Variants in OR2C3 observed in about 807,000 individuals in gnomAD.
OR2C3 encodes olfactory receptor family 2 subfamily C member 3, also known as olfactory receptor 2C3.
For missense variants in OR2C3, 425 were observed against 401.5 expected, an observed-to-expected ratio of 1.06 and a Z score of -0.50; for synonymous variants, 178 against 163.4, an observed-to-expected ratio of 1.09 and a Z score of -0.68.
chr1:247,526,241 A>G lies in OR2C3; in HGVS notation c.*5308T>C, dbSNP rs41305741. ...TGAATTCTTGCATTCCTTTCTTACCATGAGAAGCTTGCCATGTTGAGGGTG... is the reference window on the plus strand; with the variant it reads ...TGAATTCTTGCATTCCTTTCTTACCGTGAGAAGCTTGCCATGTTGAGGGTG... On this transcript the variant is annotated 3_prime_UTR_variant, in exon 3 of 3. Transcript: ENST00000641802. The surrounding 1 kb of genome is among the most constrained non-coding windows in gnomAD (Gnocchi z 4.8). The G allele has an allele frequency of 0.19, 28,701 of 152,186 alleles. 2,878 individuals are homozygous for G. The highest frequency in any genetic ancestry group is 0.23 in the African/African-American group (9,726 of 41,510). The allele number at this position is 152,186 out of a possible 1,614,324, so 9.4% of individuals were successfully genotyped here.
chr1:247,532,522 G>C lies in OR2C3; in HGVS notation c.-11C>G. ...GGCTATTTCCATCATTGTATGCTGG[G>C]GGTGGGGCAAAAGGCCACCTGTGGG... On this transcript the variant is annotated 5_prime_UTR_variant, in exon 3 of 3. Coordinates refer to ENST00000641802, the MANE Select transcript of OR2C3 (RefSeq NM_198074.6). The C allele has an allele frequency of 6.2e-7, 1 of 1,609,146 alleles. No homozygotes were observed. Among genetic ancestry groups the C allele is most frequent in the Non-Finnish European group, 8.5e-7 (1 of 1,177,078 alleles).
rs1038700850 is a variant in OR2C3, at chr1:247,525,947, A to C, written c.*5602T>G. The C allele has an allele frequency of 6.6e-6, 1 of 152,212 alleles. No homozygotes were observed. The highest frequency in any genetic ancestry group is 1.5e-5 in the Non-Finnish European group (1 of 68,038). The allele number at this position is 152,212 out of a possible 1,614,324, so 9.4% of individuals were successfully genotyped here. A position where few individuals can be genotyped will look rare whatever the true frequency, so the allele number is the denominator to read the frequency against. ...ATGCCTGGAAACCTGTTGAAGACCA[A>C]ATATATGCTTCAGAGTATATACATG... is the stretch of plus-strand genomic sequence containing the variant. On this transcript the variant is annotated 3_prime_UTR_variant, in exon 3 of 3. Coordinates refer to ENST00000641802, the MANE Select transcript of OR2C3 (RefSeq NM_198074.6).
intron 1 of OR2C3, among the ~76,000 whole-genome samples, chr1:247,535,542 A>G (rs1217152736): frequency 6.6e-6 from 1 of 152,234 alleles, no homozygotes; most frequent in Non-Finnish European, 1.5e-5. Flanking sequence ...GGGTGTAAGT[A>G]TATCCCATCT....
In OR2C3 at chr1:247,525,723, T is replaced by C. The variant is rs1163154509; in HGVS notation, c.*5826A>G. 1 of 152,212 alleles carries C rather than the reference T, an allele frequency of 6.6e-6. No homozygotes were observed. The highest frequency in any genetic ancestry group is 1.5e-5 in the Non-Finnish European group (1 of 68,046). The allele number at this position is 152,212 out of a possible 1,614,324, so 9.4% of individuals were successfully genotyped here. On this transcript the variant is annotated 3_prime_UTR_variant, in exon 3 of 3. Transcript: ENST00000641802. ...CATGACTGATTAAATCACTGGCCAT[T>C]GGTGTTCTGCTTAACATTCATCCCT...
In OR2C3 at chr1:247,530,309, G is replaced by T. The variant is rs1289355103; in HGVS notation, c.*1240C>A. The T allele has an allele frequency of 6.6e-6, 1 of 152,178 alleles. No individual in the cohort carries two copies. Among genetic ancestry groups the T allele is most frequent in the Non-Finnish European group, 1.5e-5 (1 of 68,040 alleles). 9.4% of individuals were successfully genotyped at this position (152,178 alleles called of 1,614,324 possible). On this transcript the variant is annotated 3_prime_UTR_variant, in exon 3 of 3. Coordinates refer to ENST00000641802, the MANE Select transcript of OR2C3 (RefSeq NM_198074.6). ...CTAGTGATAGGTTACTCTATTGATAGAAGTTCTTTAACATCTGGAAAGACT... is the reference window on the plus strand; with the variant it reads ...CTAGTGATAGGTTACTCTATTGATATAAGTTCTTTAACATCTGGAAAGACT...
At position 247,527,412 on chromosome 1, in the gene OR2C3, C is replaced by T. The variant is rs1318446661; in HGVS notation, c.*4137G>A. On this transcript the variant is annotated 3_prime_UTR_variant, in exon 3 of 3. Coordinates refer to ENST00000641802, the MANE Select transcript of OR2C3 (RefSeq NM_198074.6). The surrounding 1 kb of genome is among the most constrained non-coding windows in gnomAD (Gnocchi z 4.6). ...GTCCCAGAGGGTCCTACTGCCACTT[C>T]CTCATTGCTTTCTCTGGAGGTTCTA... is the stretch of plus-strand genomic sequence containing the variant. The T allele has an allele frequency of 1.3e-5, 2 of 157,634 alleles. No homozygotes were observed. The highest frequency in any genetic ancestry group is 2.8e-5 in the Non-Finnish European group (2 of 71,496). The allele number at this position is 157,634 out of a possible 1,614,324, so 9.8% of individuals were successfully genotyped here.
intron 2 of OR2C3, among the ~76,000 whole-genome samples, 159 bp downstream of exon 2, chr1:247,533,348 C>T (rs946287105): frequency 2.0e-5 from 3 of 152,106 alleles, no homozygotes; most frequent in African/African-American, 7.2e-5. Context: ...TTCTTCCCCG[C>T]AGTTAGCCAT....
intron 1 of OR2C3, among the ~76,000 whole-genome samples, chr1:247,534,948 A>G (rs753526573): frequency 3.3e-5 from 5 of 152,132 alleles, no homozygotes; most frequent in Non-Finnish European, 7.3e-5. Context: ...TGGCCTGCAT[A>G]TAGTAGGCCA....
chr1:247,528,809 TGGA>T lies in OR2C3; in HGVS notation c.*2737_*2739del, dbSNP rs1666789772. 1 of 152,194 alleles carries T rather than the reference TGGA, an allele frequency of 6.6e-6. No individual in the cohort carries two copies. The highest frequency in any genetic ancestry group is 6.5e-5 in the Admixed American group (1 of 15,270). The allele number at this position is 152,194 out of a possible 1,614,324, so 9.4% of individuals were successfully genotyped here. On this transcript the variant is annotated 3_prime_UTR_variant, in exon 3 of 3. Transcript: ENST00000641802. ...CTGGAAAATTAATGGCAGGCAAATC[TGGA>T]GAAGAGGACATTGAAGAATTTCCTG...
In OR2C3 at chr1:247,532,161, G is replaced by C. The variant is rs1322726284; in HGVS notation, c.351C>G (p.Ala117=). The C allele has an allele frequency of 6.2e-7, 1 of 1,614,080 alleles. No homozygotes were observed. Among genetic ancestry groups the C allele is most frequent in the African/African-American group, 1.3e-5 (1 of 75,020 alleles). Reference sequence around the variant, plus strand: ...CAGCGTAGCGGTCATAGGACATGGTGGCCAGCAGGACACACTCGGTTGCCC... The same window carrying C: ...CAGCGTAGCGGTCATAGGACATGGTCGCCAGCAGGACACACTCGGTTGCCC... ...WLGATECVLL[A]TMSYDRYAAI... The change falls in exon 3 of 3, where the codon GCC becomes GCG. Residue 117 remains alanine, a synonymous_variant. Transcript: ENST00000641802.
At position 247,531,578 on chromosome 1, in the gene OR2C3, C is replaced by T; in HGVS notation, c.934G>A (p.Gly312Ser). The T allele has an allele frequency of 7.4e-6, 12 of 1,614,028 alleles. No homozygotes were observed. Among genetic ancestry groups the T allele is most frequent in the Non-Finnish European group, 9.3e-6 (11 of 1,179,932 alleles). Reference sequence around the variant, plus strand: ...ATTTGCGCCAGCTTGCCTGCAGAGCCACAGCAGTTCTCTAATACCATGTGC... The same window carrying T: ...ATTTGCGCCAGCTTGCCTGCAGAGCTACAGCAGTTCTCTAATACCATGTGC... Reference protein sequence around the residue: ...LRHMVLENCCGSAGKLAQI With the variant: ...LRHMVLENCCSSAGKLAQI The change falls in exon 3 of 3, where the codon GGC becomes AGC. Residue 312 changes from glycine (G) to serine (S), a missense_variant. Physicochemically the swap from Gly to Ser is moderately conservative, Grantham distance 56. Coordinates refer to ENST00000641802, the MANE Select transcript of OR2C3 (RefSeq NM_198074.6).
chr1:247,532,916 A>G (rs190678871), intron 2 of OR2C3, among the ~76,000 whole-genome samples: 46 of 152,304 alleles, frequency 3.0e-4, no homozygotes, highest in East Asian at 1.5e-3. Flanking sequence ...ATTCATGCAA[A>G]ATCCTTAGCA....
rs538628040 is a variant in OR2C3 at position 247,530,166 on chromosome 1, A to G, written c.*1383T>C. 6 of 152,166 alleles carry G rather than the reference A, an allele frequency of 3.9e-5. No homozygotes were observed. The highest frequency in any genetic ancestry group is 7.3e-5 in the Non-Finnish European group (5 of 68,032). The allele number at this position is 152,166 out of a possible 1,614,324, so 9.4% of individuals were successfully genotyped here. On this transcript the variant is annotated 3_prime_UTR_variant, in exon 3 of 3. Coordinates refer to ENST00000641802, the MANE Select transcript of OR2C3 (RefSeq NM_198074.6). Reference sequence around the variant, plus strand: ...AAAGACTACTTTAATGACTACTTTCATATTATATACATATATATAATAAAA... The same window carrying G: ...AAAGACTACTTTAATGACTACTTTCGTATTATATACATATATATAATAAAA...
At position 247,529,351 on chromosome 1, in the gene OR2C3, A is replaced by G. The variant is rs192819078; in HGVS notation, c.*2198T>C. The G allele has an allele frequency of 2.0e-5, 3 of 152,338 alleles. No individual in the cohort carries two copies. The highest frequency in any genetic ancestry group is 3.9e-4 in the East Asian group (2 of 5,188). 9.4% of individuals were successfully genotyped at this position (152,338 alleles called of 1,614,324 possible). A position where few individuals can be genotyped will look rare whatever the true frequency, so the allele number is the denominator to read the frequency against. On this transcript the variant is annotated 3_prime_UTR_variant, in exon 3 of 3. Coordinates refer to ENST00000641802, the MANE Select transcript of OR2C3 (RefSeq NM_198074.6). ...CCTTGGAATTCATGATTCATACTTCATACCTCAATATTCAGAAGCAGTGGG... is the reference window on the plus strand; with the variant it reads ...CCTTGGAATTCATGATTCATACTTCGTACCTCAATATTCAGAAGCAGTGGG...
chr1:247,532,874 T>TAC (rs1667054649), intron 2 of OR2C3, among the ~76,000 whole-genome samples: 1 of 139,310 alleles, frequency 7.2e-6, no homozygotes, highest in African/African-American at 3.1e-5. Flanking sequence ...AAAGACTGGG[T>TAC]GGGGGGTGTT....
In OR2C3 at chr1:247,524,712, T is replaced by C. The variant is rs1166396885; in HGVS notation, c.*6837A>G. ...TGATTGATAGTTTATTTAATACATA[T>C]AACATTTAAAACTTTTGTACCACAA... On this transcript the variant is annotated 3_prime_UTR_variant, in exon 3 of 3. Transcript: ENST00000641802. The C allele has an allele frequency of 6.6e-6, 1 of 152,016 alleles. No homozygotes were observed. The highest frequency in any genetic ancestry group is 1.9e-4 in the East Asian group (1 of 5,174). The allele number at this position is 152,016 out of a possible 1,614,324, so 9.4% of individuals were successfully genotyped here.
In OR2C3 at chr1:247,527,864, C is replaced by T. The variant is rs1250274514; in HGVS notation, c.*3685G>A. 2 of 152,140 alleles carry T rather than the reference C, an allele frequency of 1.3e-5. No homozygotes were observed. Among genetic ancestry groups the T allele is most frequent in the Non-Finnish European group, 2.9e-5 (2 of 68,020 alleles). 9.4% of individuals were successfully genotyped at this position (152,140 alleles called of 1,614,324 possible). A position where few individuals can be genotyped will look rare whatever the true frequency, so the allele number is the denominator to read the frequency against. On this transcript the variant is annotated 3_prime_UTR_variant, in exon 3 of 3. Coordinates refer to ENST00000641802, the MANE Select transcript of OR2C3 (RefSeq NM_198074.6). The surrounding 1 kb of genome is among the most constrained non-coding windows in gnomAD (Gnocchi z 4.6). ...CTCCAATGGAGCTGTAATTTTGTAT[C>T]CTTTAACAAATCTCTTCTCATTCCC...
In OR2C3 at chr1:247,532,327, A is replaced by G; in HGVS notation, c.185T>C (p.Phe62Ser). ...TDVHLHTPMY[F>S]FLANLPFLDM... ...CAGGAAGGGGAGGTTGGCAAGAAAG[A>G]AGTACATAGGTGTGTGGAGGTGCAC... The change falls in exon 3 of 3, where the codon TTC (phenylalanine) becomes TCC (serine). Residue 62 changes from phenylalanine to serine, a missense_variant. Physicochemically the swap from Phe to Ser is radical, Grantham distance 155. Transcript: ENST00000641802. The G allele has an allele frequency of 3.1e-6, 5 of 1,614,138 alleles. No homozygotes were observed. The highest frequency in any genetic ancestry group is 4.2e-6 in the Non-Finnish European group (5 of 1,180,010).
rs773237703 is a variant in OR2C3 at position 247,531,943 on chromosome 1, C to G, written c.569G>C (p.Cys190Ser). ...CATCTCATTGAGGCTGGTATCCACA[C>G]AAGCCAGTTGCATAATGAGGGGCAT... ...CEMPLIMQLA[C>S]VDTSLNEMEM... Residue 190 changes from cysteine (C) to serine (S), a missense_variant, in exon 3 of 3, where the codon TGT becomes TCT. Coordinates refer to ENST00000641802, the MANE Select transcript of OR2C3 (RefSeq NM_198074.6). The G allele has an allele frequency of 5.0e-6, 8 of 1,614,072 alleles. No individual in the cohort carries two copies. In the Admixed American group the frequency reaches 1.2e-4, roughly 24 times the overall value.
Sources: allele counts gnomAD v4.1 joint callset (sites outside exome capture counted in the v4.1 genomes callset), GRCh38; gene constraint gnomAD v4.1.1; non-coding constraint Gnocchi (gnomAD v3.1); transcripts MANE v1.5; gene names NCBI Gene and HGNC (gene_info 2026-07-23, HGNC 2026-07-21).